CMAS: variants seen among roughly 807,000 people sequenced by gnomAD.
The protein encoded by CMAS is cytidine monophosphate N-acetylneuraminic acid synthetase, also known as N-acylneuraminate cytidylyltransferase.
CMAS carries 21 observed loss-of-function variants against 53.4 expected under a neutral mutation model. The observed-to-expected ratio is 0.39, with a 90% confidence interval of 0.28 to 0.57. CMAS has a LOEUF of 0.57. Ranked by LOEUF, CMAS falls within the 20% of genes least tolerant of loss-of-function variation. CMAS has a pLI of 0.56. For synonymous variants in CMAS, 189 were observed against 195.2 expected (o/e 0.97, Z 0.27); for missense variants, 384 against 534.9 (o/e 0.72, Z 2.78).
rs1418339026 is a variant in CMAS at position 22,046,324 on chromosome 12, G to A, written c.21G>A (p.Gly7=). 3 of 1,490,918 alleles carry A rather than the reference G, an allele frequency of 2.0e-6. No homozygotes were observed. The highest frequency in any genetic ancestry group is 5.3e-5 in the East Asian group (2 of 37,928). The allele number at this position is 1,490,918 out of a possible 1,614,324, so 92.4% of individuals were successfully genotyped here. A position where few individuals can be genotyped will look rare whatever the true frequency, so the allele number is the denominator to read the frequency against. The change falls in exon 1 of 8, where the codon GGG becomes GGA. Residue 7 remains glycine (G), a synonymous_variant. Coordinates refer to ENST00000229329, the MANE Select transcript of CMAS (RefSeq NM_018686.6). ...GGAAGATGGACTCGGTGGAGAAGGG[G>A]GCCGCCACCTCCGTCTCCAACCCGC... MDSVEK[G]AATSVSNPRG...
At chr12:22,048,998 C>CT (rs775389404) in intron 1 of CMAS, among the ~76,000 whole-genome samples, 43 of 152,204 alleles carry the variant, frequency 2.8e-4, no homozygotes, top group Non-Finnish European at 4.7e-4. Context: ...ACATTGGACT[C>CT]TTTTCCCTGT....
chr12:22,049,381 G>T (rs1187119710), intron 1 of CMAS, among the ~76,000 whole-genome samples: 1 of 152,118 alleles, frequency 6.6e-6, no homozygotes, highest in African/African-American at 2.4e-5. Context: ...AGGCATTGGG[G>T]ATTTTGCTAT....
At chr12:22,051,300 A>C (rs1279547944) in intron 1 of CMAS, among the ~76,000 whole-genome samples, 2 of 152,234 alleles carry the variant, frequency 1.3e-5, no homozygotes, top group Non-Finnish European at 2.9e-5. Flanking sequence ...TGTGTAAGTA[A>C]ACCTCAGAAC....
At chr12:22,059,128 T>TA (rs1565531140) in intron 4 of CMAS, among the ~76,000 whole-genome samples, 68 of 136,942 alleles carry the variant, frequency 5.0e-4, no homozygotes, top group East Asian at 4.3e-3. Context: ...CGGAATCTTT[T>TA]TATATATATA....
chr12:22,049,749 A>G (rs1950228488), intron 1 of CMAS, among the ~76,000 whole-genome samples: 1 of 152,110 alleles, frequency 6.6e-6, no homozygotes, highest in Non-Finnish European at 1.5e-5. Context: ...TACCAAAAAT[A>G]CAAAAATTAG....
intron 3 of CMAS, among the ~76,000 whole-genome samples, chr12:22,056,890 G>A (rs1371952827): frequency 6.6e-6 from 1 of 151,982 alleles, no homozygotes; most frequent in African/African-American, 2.4e-5. Flanking sequence ...AGCAGCCACC[G>A]ATACTAGGAA....
chr12:22,061,275 T>C lies in CMAS; in HGVS notation c.789-6T>C. On this transcript the variant is annotated splice_region_variant and splice_polypyrimidine_tract_variant and intron_variant, in intron 5 of 7. Coordinates refer to ENST00000229329, the MANE Select transcript of CMAS (RefSeq NM_018686.6). ...GTACTCAAAGGTCTATTTTGGTTTC[T>C]TTTAGATATGGCTATTTTGGCAAAG... 6.2e-7 allele frequency: 1 copy of C among 1,609,964 alleles called. No individual in the cohort carries two copies. The highest frequency in any genetic ancestry group is 8.5e-7 in the Non-Finnish European group (1 of 1,177,556).
intron 1 of CMAS, among the ~76,000 whole-genome samples, chr12:22,051,069 A>G (rs1950237686): frequency 6.6e-6 from 1 of 152,072 alleles, no homozygotes; most frequent in Non-Finnish European, 1.5e-5. Flanking sequence ...GATACCTTTG[A>G]GATTATTTTG....
At chr12:22,062,615 A>ATAAT (rs1193189072) in intron 7 of CMAS, among the ~76,000 whole-genome samples, 181 bp downstream of exon 7, 2 of 152,202 alleles carry the variant, frequency 1.3e-5, no homozygotes, top group African/African-American at 4.8e-5. Flanking sequence ...GGTTAGTTTG[A>ATAAT]TAATAGGTAT....
At chr12:22,058,426 A>T (rs1428846704) in intron 3 of CMAS, 141 bp from the exon 4 acceptor site, 1 of 421,296 alleles carries the variant, frequency 2.4e-6, no homozygotes, top group Non-Finnish European at 3.4e-6. Context: ...CTCTGTCTCA[A>T]AAAAAAAAAA....
intron 1 of CMAS, among the ~76,000 whole-genome samples, chr12:22,049,582 A>G (rs1232443104): frequency 6.6e-6 from 1 of 152,220 alleles, no homozygotes; most frequent in East Asian, 1.9e-4. Flanking sequence ...TACTTCTTCA[A>G]GCCACCTGTG....
intron 3 of CMAS, among the ~76,000 whole-genome samples, chr12:22,057,240 TACACACACACAC>T (rs71053372): frequency 1.7e-5 from 2 of 118,082 alleles, no homozygotes; most frequent in Admixed American, 8.2e-5. Flanking sequence ...CACACACACA[TACACACACACAC>T]ACACACACAC....
intron 1 of CMAS, among the ~76,000 whole-genome samples, chr12:22,048,597 T>C (rs1044114409): frequency 2.6e-5 from 4 of 152,172 alleles, no homozygotes; most frequent in African/African-American, 9.6e-5. Context: ...TTTAGAGCAA[T>C]TAGTTTAGAA....
intron 5 of CMAS, 110 bp from the exon 6 acceptor site, chr12:22,061,171 A>ATGTT: frequency 1.2e-6 from 1 of 810,154 alleles, no homozygotes; most frequent in Non-Finnish European, 2.1e-6. Flanking sequence ...TTGGAGAGTA[A>ATGTT]TGTTTGAATA....
At chr12:22,063,330 T>A (rs1950320943) in intron 7 of CMAS, among the ~76,000 whole-genome samples, 1 of 152,208 alleles carries the variant, frequency 6.6e-6, no homozygotes, top group Non-Finnish European at 1.5e-5. Flanking sequence ...GAAGATTTAA[T>A]GGACATAAAT....
chr12:22,051,367 TTA>T (rs1256676558), intron 1 of CMAS, among the ~76,000 whole-genome samples: 1 of 152,216 alleles, frequency 6.6e-6, no homozygotes, highest in African/African-American at 2.4e-5. Flanking sequence ...TGTTTTAGTT[TTA>T]TGCTTAGGGT....
At position 22,046,353 on chromosome 12, in the gene CMAS, G is replaced by T. The variant is rs1950204913; in HGVS notation, c.50G>T (p.Gly17Val). 6.5e-7 allele frequency: 1 copy of T among 1,526,786 alleles called. No individual in the cohort carries two copies. The highest frequency in any genetic ancestry group is 8.8e-7 in the Non-Finnish European group (1 of 1,135,962). 94.6% of individuals were successfully genotyped at this position (1,526,786 alleles called of 1,614,324 possible). Residue 17 changes from glycine (G) to valine (V), a missense_variant, in exon 1 of 8, where the codon GGG becomes GTG. Gly to Val is a moderately radical substitution (Grantham distance 109, BLOSUM62 -3). This residue lies in a region of CMAS where 111 missense variants were observed against 132.2 expected (regional missense o/e 0.84). Coordinates refer to ENST00000229329, the MANE Select transcript of CMAS (RefSeq NM_018686.6). ...GAATSVSNPR[G>V]RPSRGRPPKL... ...GCCACCTCCGTCTCCAACCCGCGGG[G>T]GCGACCGTCCCGGGGCCGGCCGCCG...
chr12:22,061,611 G>C (rs1322835508), intron 6 of CMAS, among the ~76,000 whole-genome samples, 159 bp downstream of exon 6: 1 of 152,092 alleles, frequency 6.6e-6, no homozygotes, highest in Non-Finnish European at 1.5e-5. Flanking sequence ...TTTAGTTTTA[G>C]ATGAGTAGAA....
intron 1 of CMAS, among the ~76,000 whole-genome samples, chr12:22,053,419 C>T (rs1390842835): frequency 6.7e-6 from 1 of 150,124 alleles, no homozygotes; most frequent in African/African-American, 2.5e-5. Context: ...ATTATATATA[C>T]ACATTATATA....
Sources: gnomAD v4.1 joint callset for allele counts (sites outside exome capture counted in the v4.1 genomes callset) on GRCh38, gnomAD v4.1.1 for gene constraint, gnomAD v4.1.1 regional missense constraint, MANE v1.5 for transcripts, NCBI Gene and HGNC (gene_info 2026-07-23, HGNC 2026-07-21) for gene names.